The following GPC6 variants were observed in gnomAD, a reference collection of about 807,000 sequenced individuals.
The protein encoded by GPC6 is glypican-6.
In GPC6, 14 loss-of-function variants were observed where a neutral mutation model predicts 55.2. The ratio of observed to expected loss-of-function variants is 0.25; its 90% confidence interval spans 0.17 to 0.40. The LOEUF is 0.40. GPC6 is among the 10% of genes least tolerant of loss of function. The probability of loss-of-function intolerance (pLI) is 1.00; values close to 1 mark genes in which losing one functional copy is unlikely to be tolerated. For missense variants in GPC6, 641 were observed against 708.5 expected (o/e 0.90, Z 1.08); for synonymous variants, 278 against 259.6 (o/e 1.07, Z -0.68).
In GPC6 at chr13:94,393,518, G is replaced by A. The variant is rs11842840; in HGVS notation, c.1290-4948G>A. 7.7e-3 allele frequency among the ~76,000 whole-genome samples: 1,173 copies of A among 152,280 alleles called. 17 individuals are homozygous for A. The highest frequency in any genetic ancestry group is 0.027 in the African/African-American group (1,106 of 41,544). On this transcript the variant is annotated intron_variant, in intron 7 of 8. Coordinates refer to ENST00000377047, the MANE Select transcript of GPC6 (RefSeq NM_005708.5). ...CTTAGAATTTGAAGAGATGTGTATT[G>A]AGTGGAGCTCATTTGTGGCAACAAA...
chr13:94,031,525 T>C (rs576072590), intron 4 of GPC6, among the ~76,000 whole-genome samples: 1 of 152,276 alleles, frequency 6.6e-6, no homozygotes, highest in East Asian at 1.9e-4. Flanking sequence ...TAGCCTATTG[T>C]CACTATTAGA....
intron 2 of GPC6, among the ~76,000 whole-genome samples, chr13:93,759,443 G>T (rs930577198): frequency 6.6e-6 from 1 of 152,110 alleles, no homozygotes. Context: ...ACTCTCAGTC[G>T]ATATGACAAG....
At chr13:93,861,162 A>G (rs1888798445) in intron 3 of GPC6, among the ~76,000 whole-genome samples, 1 of 151,580 alleles carries the variant, frequency 6.6e-6, no homozygotes, top group Non-Finnish European at 1.5e-5. Context: ...TGTTATTCAT[A>G]ATAATATTAT....
intron 2 of GPC6, among the ~76,000 whole-genome samples, chr13:93,611,293 T>C (rs1046863611): frequency 1.3e-5 from 2 of 152,122 alleles, no homozygotes; most frequent in Admixed American, 1.3e-4. Context: ...AGTTACAACT[T>C]TGACAACTGA....
At chr13:94,210,097 C>T in intron 4 of GPC6, among the ~76,000 whole-genome samples, 1 of 151,906 alleles carries the variant, frequency 6.6e-6, no homozygotes, top group Non-Finnish European at 1.5e-5. Context: ...ATCCTCCCTC[C>T]TTAGTCTCAC....
chr13:93,635,450 G>T (rs1443783985), intron 2 of GPC6, among the ~76,000 whole-genome samples: 2 of 152,144 alleles, frequency 1.3e-5, no homozygotes, highest in Non-Finnish European at 2.9e-5. Flanking sequence ...GAAGATGGAT[G>T]TCAGAAGTCT....
intron 4 of GPC6, among the ~76,000 whole-genome samples, chr13:94,081,227 T>C (rs567884210): frequency 4.8e-4 from 73 of 152,362 alleles, no homozygotes; most frequent in African/African-American, 1.6e-3. Flanking sequence ...AACCATTCAA[T>C]TCATTTCTAA....
chr13:93,851,688 AAAACAGC>A (rs1888407251), intron 3 of GPC6, among the ~76,000 whole-genome samples: 2 of 151,876 alleles, frequency 1.3e-5, no homozygotes, highest in Non-Finnish European at 2.9e-5. Context: ...ATGATGTTGA[AAAACAGC>A]ATTATGTTTG....
intron 1 of GPC6, among the ~76,000 whole-genome samples, chr13:93,431,453 T>A (rs1358938803): frequency 6.6e-6 from 1 of 152,144 alleles, no homozygotes; most frequent in African/African-American, 2.4e-5. Flanking sequence ...ACATAACAGA[T>A]AATTCTTTAA....
chr13:93,827,956 G>A (rs1296519553), intron 2 of GPC6, among the ~76,000 whole-genome samples: 2 of 151,486 alleles, frequency 1.3e-5, no homozygotes, highest in South Asian at 2.1e-4. Flanking sequence ...TTATTCCTAA[G>A]ACAAACATTT....
chr13:93,356,953 A>G (rs995810), intron 1 of GPC6, among the ~76,000 whole-genome samples: 53,574 of 152,066 alleles, frequency 0.35, 11,237 homozygotes, highest in East Asian at 0.8. Flanking sequence ...AGCAAGCATT[A>G]GGAGAATTTA....
chr13:94,149,225 G>A (rs1390395274), intron 4 of GPC6, among the ~76,000 whole-genome samples: 1 of 152,044 alleles, frequency 6.6e-6, no homozygotes, highest in African/African-American at 2.4e-5. Context: ...ATGAATGGAA[G>A]AAAACAAAAT....
intron 1 of GPC6, among the ~76,000 whole-genome samples, chr13:93,392,621 G>C (rs1011094047): frequency 6.6e-6 from 1 of 152,206 alleles, no homozygotes; most frequent in African/African-American, 2.4e-5. Context: ...CTGGAAGCTG[G>C]GGAACCAGAC....
In GPC6 at chr13:93,280,724, A is replaced by G. The variant is rs997324156; in HGVS notation, c.160+53108A>G. Among the ~76,000 whole-genome samples, 21 of 152,360 alleles carry G rather than the reference A, an allele frequency of 1.4e-4. 1 individual carries two copies. Among genetic ancestry groups the G allele is most frequent in the Admixed American group, 1.4e-3 (21 of 15,304 alleles). On this transcript the variant is annotated intron_variant, in intron 1 of 8. Transcript: ENST00000377047. ...TTTTTTAAGGCAGTGGTCCCCAGTC[A>G]TTTTGGCACCCAGGGACCAGTTTCA...
chr13:93,856,701 A>T (rs1453515736), intron 3 of GPC6, among the ~76,000 whole-genome samples: 1 of 151,612 alleles, frequency 6.6e-6, no homozygotes, highest in African/African-American at 2.4e-5. Context: ...TTCTATGCAG[A>T]TGGAACTGTG....
intron 2 of GPC6, among the ~76,000 whole-genome samples, chr13:93,650,224 A>G: frequency 6.6e-6 from 1 of 152,152 alleles, no homozygotes; most frequent in East Asian, 1.9e-4. Context: ...ATATGGTTTA[A>G]TTTTCCCAAG....
chr13:93,618,952 T>C (rs539719633), intron 2 of GPC6, among the ~76,000 whole-genome samples: 1 of 152,240 alleles, frequency 6.6e-6, no homozygotes, highest in African/African-American at 2.4e-5. Flanking sequence ...CTAGGCTGTA[T>C]GGTATGGCCT....
intron 4 of GPC6, among the ~76,000 whole-genome samples, chr13:94,116,245 A>G (rs1886424157): frequency 6.6e-6 from 1 of 151,994 alleles, no homozygotes; most frequent in Non-Finnish European, 1.5e-5. Flanking sequence ...ACCCCCATTT[A>G]CCATATCAGT....
chr13:93,378,325 A>G (rs1484608273), intron 1 of GPC6, among the ~76,000 whole-genome samples: 1 of 152,148 alleles, frequency 6.6e-6, no homozygotes, highest in Non-Finnish European at 1.5e-5. Flanking sequence ...CTCTGGCTCC[A>G]TTGTTTGCTC....
Sources: allele counts gnomAD v4.1 joint callset (sites outside exome capture counted in the v4.1 genomes callset), GRCh38; gene constraint gnomAD v4.1.1; transcripts MANE v1.5; gene names NCBI Gene and HGNC (gene_info 2026-07-23, HGNC 2026-07-21).